CLSTN2: variants seen among roughly 807,000 people sequenced by gnomAD.
The protein encoded by CLSTN2 is calsyntenin 2.
In CLSTN2, 48 loss-of-function variants were observed where a neutral mutation model predicts 101.2. The observed-to-expected ratio is 0.47, with a 90% CI of 0.38 to 0.60. The LOEUF (loss-of-function observed/expected upper bound fraction) is 0.60, where lower values mean the gene tolerates loss of function less well. CLSTN2 is among the 20% of genes least tolerant of loss of function. CLSTN2 has a pLI of 0.00. For missense variants in CLSTN2, 1,160 were observed against 1,238.2 expected (o/e 0.94, Z 0.95); for synonymous variants, 481 against 463.6 (o/e 1.04, Z -0.48).
chr3:140,171,774 T>G (rs574491956), intron 1 of CLSTN2, among the ~76,000 whole-genome samples: 2 of 94,954 alleles, frequency 2.1e-5, no homozygotes, highest in Admixed American at 1.5e-4. Context: ...ATATATAATA[T>G]GTATTATATA....
At chr3:140,245,583 G>A (rs532823245) in intron 2 of CLSTN2, among the ~76,000 whole-genome samples, 1 of 152,132 alleles carries the variant, frequency 6.6e-6, no homozygotes, top group African/African-American at 2.4e-5. Flanking sequence ...GACAAGAATG[G>A]GGCAGGGTGC....
intron 4 of CLSTN2, among the ~76,000 whole-genome samples, chr3:140,417,537 A>G (rs1156797377): frequency 6.6e-6 from 1 of 151,506 alleles, no homozygotes; most frequent in Non-Finnish European, 1.5e-5. Flanking sequence ...CTCAGCCCCC[A>G]CTCTCCGAGT....
intron 5 of CLSTN2, among the ~76,000 whole-genome samples, chr3:140,423,573 C>A (rs1262540062): frequency 6.6e-6 from 1 of 152,182 alleles, no homozygotes; most frequent in Non-Finnish European, 1.5e-5. Context: ...GGCTTCCCTG[C>A]CTTAGCTGTG....
intron 2 of CLSTN2, among the ~76,000 whole-genome samples, chr3:140,218,660 A>G (rs1344807972): frequency 1.3e-5 from 2 of 152,240 alleles, no homozygotes; most frequent in East Asian, 3.9e-4. Flanking sequence ...AAGCAAGCAT[A>G]GCTTTGGACC....
intron 1 of CLSTN2, among the ~76,000 whole-genome samples, chr3:140,125,198 G>A (rs746693623): frequency 1.4e-4 from 22 of 152,168 alleles, no homozygotes; most frequent in Non-Finnish European, 2.9e-4. Context: ...TTTGAGAAAG[G>A]TTGCAGTGAA....
chr3:140,001,727 T>G (rs982739144), intron 1 of CLSTN2, among the ~76,000 whole-genome samples: 1 of 152,086 alleles, frequency 6.6e-6, no homozygotes, highest in Non-Finnish European at 1.5e-5. Flanking sequence ...TGTTTTTTTT[T>G]TTTCTGTACC....
chr3:139,991,830 G>A (rs531054391), intron 1 of CLSTN2, among the ~76,000 whole-genome samples: 181 of 152,252 alleles, frequency 1.2e-3, no homozygotes, highest in African/African-American at 4.4e-3. Flanking sequence ...TGGGCAACAT[G>A]GTTGTTATAT....
intron 1 of CLSTN2, among the ~76,000 whole-genome samples, chr3:140,091,261 G>T (rs2008775635): frequency 6.6e-6 from 1 of 152,174 alleles, no homozygotes; most frequent in South Asian, 2.1e-4. Context: ...CGGGCAGGGA[G>T]AGATGACTCA....
rs200729250 is a variant in CLSTN2 at position 140,404,591 on chromosome 3, C to T, written c.462C>T (p.Asn154=). 8.4e-5 allele frequency: 135 copies of T among 1,614,194 alleles called. 2 individuals carry two copies. The South Asian group carries it at 1.2e-3, about 15-fold the overall frequency. The change falls in exon 4 of 17, where the codon AAC becomes AAT. Residue 154 remains asparagine, a synonymous_variant. Coordinates refer to ENST00000458420, the MANE Select transcript of CLSTN2 (RefSeq NM_022131.3). ...AVVHIQVKDV[N]EFAPTFKEPA... ...TCCATATACAGGTGAAGGATGTCAA[C>T]GAGTTTGCTCCCACCTTCAAAGAGC...
At chr3:140,452,854 C>T (rs2108011788) in intron 6 of CLSTN2, among the ~76,000 whole-genome samples, 1 of 152,338 alleles carries the variant, frequency 6.6e-6, no homozygotes, top group Admixed American at 6.5e-5. Context: ...GTGGCCCCCA[C>T]CTTCCTTTGC....
At chr3:140,563,524 C>T (rs1328842306) in intron 15 of CLSTN2, among the ~76,000 whole-genome samples, 1 of 152,192 alleles carries the variant, frequency 6.6e-6, no homozygotes, top group East Asian at 1.9e-4. Context: ...CACACGTACA[C>T]ACCATATTGC....
intron 7 of CLSTN2, among the ~76,000 whole-genome samples, chr3:140,463,931 G>A (rs1933624443): frequency 6.6e-6 from 1 of 152,190 alleles, no homozygotes; most frequent in South Asian, 2.1e-4. Context: ...AAGATCAACT[G>A]GAAAGAGCAT....
At chr3:140,396,206 A>C (rs988304307) in intron 2 of CLSTN2, among the ~76,000 whole-genome samples, 1 of 152,068 alleles carries the variant, frequency 6.6e-6, no homozygotes, top group African/African-American at 2.4e-5. Flanking sequence ...CCCCTCACTA[A>C]ACTCTCCCCG....
intron 1 of CLSTN2, among the ~76,000 whole-genome samples, chr3:140,120,797 C>T (rs1179663588): frequency 6.6e-6 from 1 of 152,126 alleles, no homozygotes; most frequent in Non-Finnish European, 1.5e-5. Flanking sequence ...TGAAGTGTTC[C>T]CAGTGGGAGT....
chr3:140,483,230 G>C (rs1304362198), intron 8 of CLSTN2, among the ~76,000 whole-genome samples: 1 of 151,994 alleles, frequency 6.6e-6, no homozygotes, highest in Non-Finnish European at 1.5e-5. Context: ...CAGGTTGCTT[G>C]GTTTCCATGT....
intron 2 of CLSTN2, among the ~76,000 whole-genome samples, chr3:140,337,850 G>C (rs1276975928): frequency 6.6e-6 from 1 of 152,172 alleles, no homozygotes; most frequent in Non-Finnish European, 1.5e-5. Context: ...TCATGGGCTA[G>C]AATTAGTTTA....
In CLSTN2 at chr3:139,959,788, A is replaced by C. The variant is rs544970776; in HGVS notation, c.109+24305A>C. Among the ~76,000 whole-genome samples the C allele has an allele frequency of 1.2e-4, 18 of 152,078 alleles. No homozygotes were observed. In the East Asian group the frequency reaches 2.9e-3, roughly 24 times the overall value. On this transcript the variant is annotated intron_variant, in intron 1 of 16. Transcript: ENST00000458420. Reference sequence around the variant, plus strand: ...TGCTCACACCCATGGCTTTAAATACAACTTCTCTCTGCAGCACAGAGCTCT... The same window carrying C: ...TGCTCACACCCATGGCTTTAAATACCACTTCTCTCTGCAGCACAGAGCTCT...
chr3:140,357,521 G>A (rs2087683929), intron 2 of CLSTN2, among the ~76,000 whole-genome samples: 2 of 151,320 alleles, frequency 1.3e-5, no homozygotes, highest in South Asian at 2.1e-4. Flanking sequence ...GACCCACAGA[G>A]GCCCTCTGGG....
At chr3:140,335,643 G>A (rs1308006476) in intron 2 of CLSTN2, among the ~76,000 whole-genome samples, 1 of 152,148 alleles carries the variant, frequency 6.6e-6, no homozygotes, top group East Asian at 1.9e-4. Flanking sequence ...TTCAAGCCTT[G>A]GAGACTACAT....
Sources: gnomAD v4.1 joint callset for allele counts (sites outside exome capture counted in the v4.1 genomes callset) on GRCh38, gnomAD v4.1.1 for gene constraint, MANE v1.5 for transcripts, NCBI Gene and HGNC (gene_info 2026-07-23, HGNC 2026-07-21) for gene names.